Variants in SETD6 observed in about 807,000 individuals in gnomAD.
SETD6 encodes N-lysine methyltransferase SETD6.
A neutral mutation model predicts 52.7 loss-of-function variants in SETD6; 67 were observed. The observed-to-expected ratio is 1.27, with a 90% CI of 1.04 to 1.56. The LOEUF is 1.56. Ranked by LOEUF, SETD6 falls within the 40% of genes most tolerant of loss-of-function variation. The probability of loss-of-function intolerance (pLI) is 0.00; values close to 1 mark genes in which losing one functional copy is unlikely to be tolerated. For synonymous variants in SETD6, 307 were observed against 250.2 expected (o/e 1.23, Z -2.14); for missense variants, 712 against 607.5 (o/e 1.17, Z -1.81).
chr16:58,521,087 A>G lies in SETD6; in HGVS notation c.*2058A>G. 6.2e-7 allele frequency: 1 copy of G among 1,613,648 alleles called. No individual in the cohort carries two copies. Among genetic ancestry groups the G allele is most frequent in the Non-Finnish European group, 8.5e-7 (1 of 1,179,616 alleles). On this transcript the variant is annotated 3_prime_UTR_variant, in exon 8 of 8. Transcript: ENST00000219315. ...CTCTGATTAAAGAGTAGGCCTAACA[A>G]TACCTTGCATCTCATTCAGCTGACC...
Position 58,520,968 on chromosome 16 carries a change from C to G in SETD6, c.*1939C>G, listed in dbSNP as rs1483183607. 6.2e-7 allele frequency: 1 copy of G among 1,613,682 alleles called. No homozygotes were observed. The highest frequency in any genetic ancestry group is 1.3e-5 in the African/African-American group (1 of 74,930). On this transcript the variant is annotated 3_prime_UTR_variant, in exon 8 of 8. Coordinates refer to ENST00000219315, the MANE Select transcript of SETD6 (RefSeq NM_001160305.4). ...GAGATGCAGTTTCGTCTAACTGGCA[C>G]CTGTCCCTTCCATTACTTGCTGGGC...
At chr16:58,517,900 G>A in intron 5 of SETD6, 151 bp from the exon 6 acceptor site, 3 of 891,066 alleles carry the variant, frequency 3.4e-6, no homozygotes, top group East Asian at 2.6e-5. Flanking sequence ...TCACAGTTTA[G>A]GGTCTAACAG....
Position 58,519,808 on chromosome 16 carries a change from TATCAATCA to T in SETD6, c.*792_*799del, listed in dbSNP as rs71385169. Reference sequence around the variant, plus strand: ...TGCCAGCTTAGTAGTAGGAATGACCTATCAATCAATCAATCAATCATTCAGCAAGAAGT... The same window carrying T: ...TGCCAGCTTAGTAGTAGGAATGACCTATCAATCAATCATTCAGCAAGAAGT... On this transcript the variant is annotated 3_prime_UTR_variant, in exon 8 of 8. Coordinates refer to ENST00000219315, the MANE Select transcript of SETD6 (RefSeq NM_001160305.4). 2.1e-5 allele frequency: 3 copies of T among 140,940 alleles called. No individual in the cohort carries two copies. Among genetic ancestry groups the T allele is most frequent in the African/African-American group, 5.0e-5 (2 of 39,948 alleles). 8.7% of individuals were successfully genotyped at this position (140,940 alleles called of 1,614,324 possible).
intron 5 of SETD6, chr16:58,517,318 G>A (rs1312346010): frequency 2.3e-5 from 7 of 307,922 alleles, no homozygotes; most frequent in African/African-American, 1.3e-4. Context: ...GGTCTAAGAC[G>A]ATCCTAGAAC....
In SETD6 at chr16:58,521,519, A is replaced by AGAC. The variant is rs2039370008; in HGVS notation, c.*2491_*2493dup. Among the ~76,000 whole-genome samples the AGAC allele has an allele frequency of 6.6e-6, 1 of 152,230 alleles. No individual in the cohort carries two copies. The highest frequency in any genetic ancestry group is 6.5e-5 in the Admixed American group (1 of 15,284). ...TTTGAACCCTGCTCTTAGCCGTAGA[A>AGAC]GACTAAGTATTTATATAAAGTGCAG... On this transcript the variant is annotated 3_prime_UTR_variant, in exon 8 of 8. Coordinates refer to ENST00000219315, the MANE Select transcript of SETD6 (RefSeq NM_001160305.4).
rs1683938367 is a variant in SETD6, at chr16:58,521,403, CCTGA to C, written c.*2377_*2380del. On this transcript the variant is annotated 3_prime_UTR_variant, in exon 8 of 8. Coordinates refer to ENST00000219315, the MANE Select transcript of SETD6 (RefSeq NM_001160305.4). Reference sequence around the variant, plus strand: ...TCCATTACTTTTTTTCTAACTTCTCCCTGACTATTGAACCACATGCAAAAGTTTT... The same window carrying C: ...TCCATTACTTTTTTTCTAACTTCTCCCTATTGAACCACATGCAAAAGTTTT... The C allele has an allele frequency of 1.4e-6, 2 of 1,385,156 alleles. No homozygotes were observed. Among genetic ancestry groups the C allele is most frequent in the South Asian group, 1.4e-5 (1 of 72,860 alleles). The allele number at this position is 1,385,156 out of a possible 1,614,324, so 85.8% of individuals were successfully genotyped here.
intron 5 of SETD6, 127 bp from the exon 6 acceptor site, chr16:58,517,924 A>T: frequency 1.7e-6 from 2 of 1,180,040 alleles, no homozygotes; most frequent in Non-Finnish European, 1.2e-6. Flanking sequence ...CTAAAGGTAG[A>T]ACTTTGGTAG....
At position 58,521,051 on chromosome 16, in the gene SETD6, C is replaced by CAGTT; in HGVS notation, c.*2024_*2027dup. Reference sequence around the variant, plus strand: ...ACTGGAATAACCTGAAGGATGAAGACAGTTACAAATCTCTGATTAAAGAGT... The same window carrying CAGTT: ...ACTGGAATAACCTGAAGGATGAAGACAGTTAGTTACAAATCTCTGATTAAAGAGT... On this transcript the variant is annotated 3_prime_UTR_variant, in exon 8 of 8. Coordinates refer to ENST00000219315, the MANE Select transcript of SETD6 (RefSeq NM_001160305.4). 2 of 1,614,126 alleles carry CAGTT rather than the reference C, an allele frequency of 1.2e-6. No homozygotes were observed. Among genetic ancestry groups the CAGTT allele is most frequent in the South Asian group, 2.2e-5 (2 of 91,086 alleles).
rs1476403821 is a variant in SETD6 at position 58,516,812 on chromosome 16, C to A, written c.676C>A (p.Gln226Lys). 1.2e-6 allele frequency: 2 copies of A among 1,614,182 alleles called. No homozygotes were observed. Among genetic ancestry groups the A allele is most frequent in the Admixed American group, 1.7e-5 (1 of 60,034 alleles). Residue 226 changes from glutamine (Q) to lysine (K), a missense_variant, in exon 5 of 8, where the codon CAG becomes AAG. Transcript: ENST00000219315. ...LVALVMAYSF[Q>K]EPLEEEEDEK... ...GCCAGGTTCTGTCAATGGCAGCTTT[C>A]AGGAACCACTGGAGGAAGAAGAGGA... is the stretch of plus-strand genomic sequence containing the variant.
Position 58,518,426 on chromosome 16 carries a change from C to A in SETD6, c.999C>A (p.His333Gln). ...GAACAAAAACTGAAGCTGAAAGGCA[C>A]CTAGTGTACGAGCGCTGGGATTTCC... ...LQGTKTEAER[H>Q]LVYERWDFLC... The change falls in exon 7 of 8, where the codon CAC becomes CAA. Residue 333 changes from histidine to glutamine, a missense_variant. Transcript: ENST00000219315. 6.3e-7 allele frequency: 1 copy of A among 1,584,434 alleles called. No homozygotes were observed. Among genetic ancestry groups the A allele is most frequent in the Non-Finnish European group, 8.5e-7 (1 of 1,171,912 alleles).
At position 58,521,260 on chromosome 16, in the gene SETD6, G is replaced by A. The variant is rs2151885281; in HGVS notation, c.*2231G>A. On this transcript the variant is annotated 3_prime_UTR_variant, in exon 8 of 8. Coordinates refer to ENST00000219315, the MANE Select transcript of SETD6 (RefSeq NM_001160305.4). ...CTGGGTTTTTAATCAGCTCAATGAA[G>A]GTAATAAGAAGACCCCAAGGATGTG... The A allele has an allele frequency of 6.2e-6, 10 of 1,614,040 alleles. No homozygotes were observed. The highest frequency in any genetic ancestry group is 7.6e-6 in the Non-Finnish European group (9 of 1,180,006).
chr16:58,522,091 G>A lies in SETD6; in HGVS notation c.*3062G>A, dbSNP rs967002657. On this transcript the variant is annotated 3_prime_UTR_variant, in exon 8 of 8. Coordinates refer to ENST00000219315, the MANE Select transcript of SETD6 (RefSeq NM_001160305.4). ...TCCCAGCACTCTGGGAGGCCAAGAC[G>A]GGTGGATCACGAGGTCGGGAGTTCA... Among the ~76,000 whole-genome samples the A allele has an allele frequency of 4.0e-5, 6 of 151,846 alleles. No individual in the cohort carries two copies. Among genetic ancestry groups the A allele is most frequent in the Non-Finnish European group, 8.8e-5 (6 of 67,982 alleles).
Position 58,523,484 on chromosome 16 carries a change from T to A in SETD6, c.*4455T>A. 2 of 1,613,908 alleles carry A rather than the reference T, an allele frequency of 1.2e-6. No homozygotes were observed. Among genetic ancestry groups the A allele is most frequent in the Non-Finnish European group, 1.7e-6 (2 of 1,179,918 alleles). On this transcript the variant is annotated 3_prime_UTR_variant, in exon 8 of 8. Coordinates refer to ENST00000219315, the MANE Select transcript of SETD6 (RefSeq NM_001160305.4). ...GTACCGGAGCTGATTTGCAATTGCA[T>A]TCAAAAAGAGATAGCGACCTAGAAA...
At chr16:58,517,324 A>T (rs2039200965) in intron 5 of SETD6, 1 of 277,030 alleles carries the variant, frequency 3.6e-6, no homozygotes, top group Admixed American at 4.3e-5. Context: ...AGACGATCCT[A>T]GAACTGATAT....
At position 58,516,079 on chromosome 16, in the gene SETD6, G is replaced by A. The variant is rs2039124830; in HGVS notation, c.316G>A (p.Gly106Ser). Residue 106 changes from glycine to serine, a missense_variant, in exon 2 of 8, where the codon GGC (glycine) becomes AGC (serine). Gly to Ser is a moderately conservative substitution (Grantham distance 56). Transcript: ENST00000219315. ...ALLSQHTCSI[G>S]GLLERERVAL... ...CCTGTCGCAGCACACCTGCTCCATC[G>A]GCGGCCTGCTGGAGCGAGGTGGGCA... The A allele has an allele frequency of 1.4e-6, 2 of 1,440,140 alleles. No individual in the cohort carries two copies. The highest frequency in any genetic ancestry group is 1.4e-5 in the South Asian group (1 of 70,268). 89.2% of individuals were successfully genotyped at this position (1,440,140 alleles called of 1,614,324 possible).
intron 7 of SETD6, 22 bp downstream of exon 7, chr16:58,518,565 T>C (rs2039252050): frequency 1.3e-6 from 2 of 1,593,786 alleles, no homozygotes; most frequent in Non-Finnish European, 1.7e-6. Context: ...AAAATGGCCA[T>C]TTAATGCTGA....
In SETD6 at chr16:58,520,756, GCC is replaced by G. The variant is rs2039340459; in HGVS notation, c.*1728_*1729del. 2 of 576,326 alleles carry G rather than the reference GCC, an allele frequency of 3.5e-6. No homozygotes were observed. The highest frequency in any genetic ancestry group is 6.2e-6 in the Non-Finnish European group (2 of 324,580). 35.7% of individuals were successfully genotyped at this position (576,326 alleles called of 1,614,324 possible). On this transcript the variant is annotated 3_prime_UTR_variant, in exon 8 of 8. Transcript: ENST00000219315. ...TATTCACAGCATCTTCTAAATTTTG[GCC>G]AAGAGTCAAAAAAATGCATTTAAAC...
In SETD6 at chr16:58,519,330, A is replaced by G. The variant is rs539698690; in HGVS notation, c.*301A>G. Reference sequence around the variant, plus strand: ...TAATAAGTAAGTCTTGTTGTGTTTCAGCATTTAATAATAGACTTTGGAGGT... The same window carrying G: ...TAATAAGTAAGTCTTGTTGTGTTTCGGCATTTAATAATAGACTTTGGAGGT... On this transcript the variant is annotated 3_prime_UTR_variant, in exon 8 of 8. Coordinates refer to ENST00000219315, the MANE Select transcript of SETD6 (RefSeq NM_001160305.4). 4.9e-5 allele frequency: 14 copies of G among 288,158 alleles called. No homozygotes were observed. In the South Asian group the frequency reaches 6.9e-4, roughly 14 times the overall value. 17.9% of individuals were successfully genotyped at this position (288,158 alleles called of 1,614,324 possible). A position where few individuals can be genotyped will look rare whatever the true frequency, so the allele number is the denominator to read the frequency against.
chr16:58,517,465 C>G (rs1278332359), intron 5 of SETD6: 13 of 173,210 alleles, frequency 7.5e-5, no homozygotes, highest in Admixed American at 7.0e-4. Context: ...CCACTTTGAT[C>G]TGCGAAAGTT....
Sources: allele counts gnomAD v4.1 joint callset (sites outside exome capture counted in the v4.1 genomes callset), GRCh38; gene constraint gnomAD v4.1.1; transcripts MANE v1.5; gene names NCBI Gene and HGNC (gene_info 2026-07-23, HGNC 2026-07-21).